Variants in MCTP1 observed in about 807,000 individuals in gnomAD.
MCTP1 encodes multiple C2 and transmembrane domain-containing protein 1.
MCTP1 carries 69 observed loss-of-function variants against 120.6 expected under a neutral mutation model. That is an observed-to-expected ratio of 0.57 (90% confidence interval 0.47 to 0.70). The LOEUF (loss-of-function observed/expected upper bound fraction) is 0.70. Ranked by LOEUF, MCTP1 falls within the 30% of genes least tolerant of loss-of-function variation. MCTP1 has a pLI of 0.00. For missense variants in MCTP1, 1,203 were observed against 1,248.8 expected (o/e 0.96, Z 0.55); for synonymous variants, 529 against 493.1 (o/e 1.07, Z -0.96).
chr5:95,224,337 C>T (rs889040993), intron 1 of MCTP1, among the ~76,000 whole-genome samples: 4 of 152,174 alleles, frequency 2.6e-5, no homozygotes, highest in South Asian at 4.1e-4. Flanking sequence ...AAGATTCATT[C>T]GTGCCTTGTC....
At chr5:95,038,447 G>A (rs1454592536) in intron 1 of MCTP1, among the ~76,000 whole-genome samples, 1 of 152,170 alleles carries the variant, frequency 6.6e-6, no homozygotes, top group Non-Finnish European at 1.5e-5. Flanking sequence ...CAAATCTATA[G>A]TGCAGAAGAA....
chr5:94,895,232 T>C (rs1803671167), intron 10 of MCTP1, among the ~76,000 whole-genome samples: 1 of 152,156 alleles, frequency 6.6e-6, no homozygotes, highest in South Asian at 2.1e-4. Context: ...CTTTAAAAAA[T>C]GGATGTTTTC....
intron 17 of MCTP1, among the ~76,000 whole-genome samples, chr5:94,851,290 GGTTAAAACA>G (rs1211234591): frequency 1.1e-4 from 16 of 151,970 alleles, no homozygotes; most frequent in African/African-American, 3.1e-4. Flanking sequence ...AATATATTAT[GGTTAAAACA>G]CATCAACAAT....
At chr5:95,024,029 AT>A (rs759131723) in intron 1 of MCTP1, 5 of 427,734 alleles carry the variant, frequency 1.2e-5, no homozygotes, top group East Asian at 1.5e-4. Context: ...ACTTGCAAAT[AT>A]TTTGTCCTAA....
At chr5:94,817,245 A>G (rs1784643679) in intron 17 of MCTP1, among the ~76,000 whole-genome samples, 1 of 152,174 alleles carries the variant, frequency 6.6e-6, no homozygotes, top group Non-Finnish European at 1.5e-5. Context: ...TCTACTAAAA[A>G]TACAAAAATT....
chr5:94,771,729 T>C (rs940101514), intron 19 of MCTP1, among the ~76,000 whole-genome samples: 1 of 152,212 alleles, frequency 6.6e-6, no homozygotes, highest in East Asian at 1.9e-4. Flanking sequence ...AAATACAGTA[T>C]TGTTTGGAGA....
At position 95,061,408 on chromosome 5, in the gene MCTP1, GTTTTTTTTT is replaced by G. The variant is rs556663513; in HGVS notation, c.721-43933_721-43925del. Among the ~76,000 whole-genome samples the G allele has an allele frequency of 2.5e-3, 83 of 33,464 alleles. 15 individuals carry two copies. The highest frequency in any genetic ancestry group is 3.2e-3 in the Admixed American group (9 of 2,800). The allele number at this position is 33,464 out of a possible 152,430, so 22.0% of individuals were successfully genotyped here. On this transcript the variant is annotated intron_variant, in intron 1 of 22. Transcript: ENST00000515393. ...ATCAATTTTCACAAACCCCTTAAGG[GTTTTTTTTT>G]TTTTTTTTTTTTTTTTTTTTTTTTT...
chr5:95,284,654 T>TCCCCGCGGCG lies in MCTP1; in HGVS notation c.-80_-79insCGCCGCGGGG, dbSNP rs1760613639. On this transcript the variant is annotated 5_prime_UTR_variant, in exon 1 of 23. Coordinates refer to ENST00000515393, the MANE Select transcript of MCTP1 (RefSeq NM_024717.7). This position sits in a 1 kb window ranked among gnomAD's most constrained non-coding sequence, Gnocchi z 5.2. ...CTCCTCCCTCTTCGGCTGCACCTCC[T>TCCCCGCGGCG]CCCGGGTCCCCGCGGCGCTGGCGGT... 4.2e-6 allele frequency: 5 copies of TCCCCGCGGCG among 1,189,028 alleles called. No individual in the cohort carries two copies. Among genetic ancestry groups the TCCCCGCGGCG allele is most frequent in the Non-Finnish European group, 5.5e-6 (5 of 910,708 alleles). 73.7% of individuals were successfully genotyped at this position (1,189,028 alleles called of 1,614,324 possible).
chr5:94,783,087 CCA>C (rs1176910060), intron 18 of MCTP1, among the ~76,000 whole-genome samples: 1 of 151,986 alleles, frequency 6.6e-6, no homozygotes, highest in Non-Finnish European at 1.5e-5. Flanking sequence ...GACTTATGTG[CCA>C]CACAGTCGAG....
intron 10 of MCTP1, among the ~76,000 whole-genome samples, chr5:94,906,620 TG>T (rs1232494849): frequency 1.3e-5 from 2 of 152,248 alleles, no homozygotes; most frequent in African/African-American, 2.4e-5. Context: ...AAACAAACTC[TG>T]TTATTGAGTT....
At position 94,882,291 on chromosome 5, in the gene MCTP1, A is replaced by G. The variant is rs187624702; in HGVS notation, c.1933+6588T>C. On this transcript the variant is annotated intron_variant, in intron 12 of 22. Transcript: ENST00000515393. ...ACACATTGAACAGCTTAGACCAAGG[A>G]CAGAGCCCTGTAACCCACTTGGCAT... 2.1e-3 allele frequency among the ~76,000 whole-genome samples: 316 copies of G among 152,262 alleles called. 2 individuals carry two copies. The highest frequency in any genetic ancestry group is 7.2e-3 in the African/African-American group (301 of 41,556).
intron 17 of MCTP1, among the ~76,000 whole-genome samples, chr5:94,815,048 T>C (rs1478841600): frequency 6.6e-6 from 1 of 152,172 alleles, no homozygotes; most frequent in Non-Finnish European, 1.5e-5. Context: ...GGAATACATG[T>C]TATGAGGGAT....
At chr5:94,830,629 T>C (rs1580915549) in intron 17 of MCTP1, among the ~76,000 whole-genome samples, 2 of 152,174 alleles carry the variant, frequency 1.3e-5, no homozygotes, top group South Asian at 4.1e-4. Context: ...CCTATTTAAT[T>C]CCAGCATCTC....
chr5:94,961,166 A>C (rs1450885219), intron 2 of MCTP1, among the ~76,000 whole-genome samples: 1 of 151,906 alleles, frequency 6.6e-6, no homozygotes, highest in African/African-American at 2.4e-5. Flanking sequence ...GCAAGCTAAC[A>C]CAGGAACAGA....
At chr5:95,201,784 C>T (rs1382096243) in intron 1 of MCTP1, among the ~76,000 whole-genome samples, 2 of 151,944 alleles carry the variant, frequency 1.3e-5, no homozygotes, top group African/African-American at 2.4e-5. Context: ...GGATTACAGG[C>T]GTGAGCCACT....
chr5:94,752,625 T>G (rs1454513124), intron 19 of MCTP1, among the ~76,000 whole-genome samples: 1 of 151,986 alleles, frequency 6.6e-6, no homozygotes, highest in African/African-American at 2.4e-5. Context: ...AACTAGGATG[T>G]TTTTTTAAAA....
At chr5:94,789,418 G>A (rs1004724937) in intron 18 of MCTP1, 16 of 152,172 alleles carry the variant, frequency 1.1e-4, no homozygotes, top group Admixed American at 9.8e-4. Flanking sequence ...GAACTGACAT[G>A]TCACGTACTG....
chr5:94,710,754 T>C (rs1023331892), intron 21 of MCTP1, 64 bp downstream of exon 21: 2 of 1,019,734 alleles, frequency 2.0e-6, no homozygotes, highest in African/African-American at 3.2e-5. Context: ...GTAACTCATC[T>C]CTTAAACATA....
At chr5:95,036,708 A>G (rs1455312276) in intron 1 of MCTP1, among the ~76,000 whole-genome samples, 2 of 152,238 alleles carry the variant, frequency 1.3e-5, no homozygotes, top group Admixed American at 6.5e-5. Context: ...TTAATTAGGT[A>G]TCTTTAAAAA....
Sources: allele counts gnomAD v4.1 joint callset (sites outside exome capture counted in the v4.1 genomes callset), GRCh38; gene constraint gnomAD v4.1.1; non-coding constraint Gnocchi (gnomAD v3.1); transcripts MANE v1.5; gene names NCBI Gene and HGNC (gene_info 2026-07-23, HGNC 2026-07-21).